The following PLSCR4 variants were observed in gnomAD, a reference collection of about 807,000 sequenced individuals.
PLSCR4 encodes the protein Ca(2+)-dependent phospholipid scramblase 4.
PLSCR4 carries 25 observed loss-of-function variants against 36.3 expected under a neutral mutation model. The ratio of observed to expected loss-of-function variants is 0.69; its 90% CI spans 0.50 to 0.96. PLSCR4 has a LOEUF of 0.96. PLSCR4 is among the 40% of genes least tolerant of loss of function. The probability of loss-of-function intolerance (pLI) is 0.00; values close to 1 mark genes in which losing one functional copy is unlikely to be tolerated. For missense variants in PLSCR4, 408 were observed against 414.7 expected (o/e 0.98, Z 0.14); for synonymous variants, 122 against 132.9 (o/e 0.92, Z 0.56).
At chr3:146,245,964 T>C (rs1576503079) in intron 1 of PLSCR4, among the ~76,000 whole-genome samples, 1 of 152,084 alleles carries the variant, frequency 6.6e-6, no homozygotes, top group Admixed American at 6.6e-5. Flanking sequence ...TTCTTGGCTA[T>C]AGGGAACTGG....
At chr3:146,213,763 T>C (rs1333793002) in intron 3 of PLSCR4, among the ~76,000 whole-genome samples, 6 of 152,214 alleles carry the variant, frequency 3.9e-5, no homozygotes, top group Admixed American at 3.9e-4. Flanking sequence ...TTTGTATCTT[T>C]CTAGGAACTT....
intron 1 of PLSCR4, among the ~76,000 whole-genome samples, chr3:146,245,183 AG>A (rs929501915): frequency 2.6e-5 from 4 of 152,078 alleles, no homozygotes; most frequent in Non-Finnish European, 2.9e-5. Context: ...TCTATGGATA[AG>A]GAAAGAAAAT....
intron 7 of PLSCR4, chr3:146,196,407 T>C (rs1294235676): frequency 1.0e-5 from 5 of 481,392 alleles, no homozygotes; most frequent in African/African-American, 1.9e-5. Context: ...TGATTTCTTT[T>C]TATTTTTATC....
intron 1 of PLSCR4, among the ~76,000 whole-genome samples, chr3:146,249,034 CCT>C (rs1386502835): frequency 6.6e-6 from 1 of 152,008 alleles, no homozygotes; most frequent in East Asian, 1.9e-4. Context: ...CTCTTTTTAT[CCT>C]TAACTGGGTC....
intron 8 of PLSCR4, 57 bp from the exon 9 acceptor site, chr3:146,194,512 C>A (rs1512902): frequency 6.3e-5 from 63 of 995,542 alleles, no homozygotes; most frequent in East Asian, 9.6e-5. Flanking sequence ...ATAATGCATG[C>A]GGTATTATCC....
At position 146,193,335 on chromosome 3, in the gene PLSCR4, C is replaced by T. The variant is rs1339152662; in HGVS notation, c.*1076G>A. On this transcript the variant is annotated 3_prime_UTR_variant, in exon 9 of 9. Transcript: ENST00000354952. ...AGTATTAAGCAGCGGTGGAATTTGT[C>T]GCTTTCACTTTTTATAAAGTGCTAC... is the stretch of plus-strand genomic sequence containing the variant. The T allele has an allele frequency of 2.6e-5, 4 of 152,010 alleles. No individual in the cohort carries two copies. Among genetic ancestry groups the T allele is most frequent in the African/African-American group, 4.8e-5 (2 of 41,368 alleles). The allele number at this position is 152,010 out of a possible 1,614,324, so 9.4% of individuals were successfully genotyped here.
In PLSCR4 at chr3:146,214,721, T is replaced by C. The variant is rs549313502; in HGVS notation, c.118+6094A>G. ...GTTTCAAGAAGAATGTGTATTATGC[T>C]GTTGTTGGGTAGAGTGTTCTATTAT... On this transcript the variant is annotated intron_variant, in intron 3 of 8. Transcript: ENST00000354952. Among the ~76,000 whole-genome samples the C allele has an allele frequency of 2.6e-5, 4 of 152,286 alleles. No individual in the cohort carries two copies. In the East Asian group the frequency reaches 7.7e-4, roughly 29 times the overall value.
chr3:146,243,699 T>G (rs909017080), intron 1 of PLSCR4, among the ~76,000 whole-genome samples: 1 of 152,132 alleles, frequency 6.6e-6, no homozygotes, highest in Non-Finnish European at 1.5e-5. Flanking sequence ...AATAAGAAAT[T>G]GTGTCAGTCT....
intron 3 of PLSCR4, among the ~76,000 whole-genome samples, chr3:146,212,489 C>T (rs527939020): frequency 6.3e-4 from 89 of 140,422 alleles, no homozygotes; most frequent in Non-Finnish European, 1.8e-4. Context: ...CTCAGTCTGT[C>T]ACCCAGGCTG....
chr3:146,228,202 T>A (rs1254167369), intron 1 of PLSCR4, among the ~76,000 whole-genome samples: 1 of 152,128 alleles, frequency 6.6e-6, no homozygotes, highest in Admixed American at 6.5e-5. Flanking sequence ...ATATAAAAAA[T>A]CCTCAATAAA....
chr3:146,199,258 C>A (rs1434487389), intron 6 of PLSCR4, among the ~76,000 whole-genome samples: 1 of 152,084 alleles, frequency 6.6e-6, no homozygotes, highest in Non-Finnish European at 1.5e-5. Flanking sequence ...CTTTTCCCTA[C>A]AGAAAATAAC....
rs570499123 is a variant in PLSCR4 at position 146,246,586 on chromosome 3, T to G, written c.-22+4374A>C. On this transcript the variant is annotated intron_variant, in intron 1 of 8. Coordinates refer to ENST00000354952, the MANE Select transcript of PLSCR4 (RefSeq NM_020353.3). ...CTTTTTAGCTTTCAAAAGGGAAATGTTTTTGTTATTTAGAGTAGAAAAATA... is the reference window on the plus strand; with the variant it reads ...CTTTTTAGCTTTCAAAAGGGAAATGGTTTTGTTATTTAGAGTAGAAAAATA... Among the ~76,000 whole-genome samples, 6 of 152,202 alleles carry G rather than the reference T, an allele frequency of 3.9e-5. No individual in the cohort carries two copies. The East Asian group carries it at 5.8e-4, about 15-fold the overall frequency.
chr3:146,221,732 G>A (rs2035151572), intron 2 of PLSCR4, among the ~76,000 whole-genome samples: 1 of 152,048 alleles, frequency 6.6e-6, no homozygotes, highest in East Asian at 1.9e-4. Context: ...CCTTGCCACA[G>A]GCTCTTTATT....
intron 1 of PLSCR4, among the ~76,000 whole-genome samples, chr3:146,240,291 T>A (rs1305592567): frequency 6.6e-6 from 1 of 151,916 alleles, no homozygotes; most frequent in African/African-American, 2.4e-5. Flanking sequence ...CACTGATCAT[T>A]AAAAAAAATG....
At position 146,197,633 on chromosome 3, in the gene PLSCR4, A is replaced by G. The variant is rs542199245; in HGVS notation, c.625-840T>C. ...ATTGTCCACTACCCTGTTTTTAGCT[A>G]TTTATCTTCAACAATATTATTTTGT... On this transcript the variant is annotated intron_variant, in intron 6 of 8. Coordinates refer to ENST00000354952, the MANE Select transcript of PLSCR4 (RefSeq NM_020353.3). Among the ~76,000 whole-genome samples, 14 of 152,290 alleles carry G rather than the reference A, an allele frequency of 9.2e-5. No individual in the cohort carries two copies. The South Asian group carries it at 2.9e-3, about 32-fold the overall frequency.
At chr3:146,211,051 T>A (rs1052569139) in intron 3 of PLSCR4, among the ~76,000 whole-genome samples, 1 of 132,940 alleles carries the variant, frequency 7.5e-6, no homozygotes, top group Non-Finnish European at 1.7e-5. Flanking sequence ...CATGTACAAG[T>A]TTTAGTGTGG....
chr3:146,220,816 TG>T lies in PLSCR4; in HGVS notation c.116del (p.Pro39GlnfsTer59). The T allele has an allele frequency of 6.4e-7, 1 of 1,569,478 alleles. No homozygotes were observed. Among genetic ancestry groups the T allele is most frequent in the Non-Finnish European group, 8.8e-7 (1 of 1,140,650 alleles). On this transcript the variant is annotated frameshift_variant and splice_region_variant, in exon 3 of 9. Transcript: ENST00000354952. LOFTEE classifies it high-confidence loss of function. ...APPEYNSHFL[P>X]GPPGTAVPPP... is the part of the protein sequence containing the mutation. ...ATCTTTTATGAATATTTAACCCACC[TG>T]GTAAAAAATGAGAATTGTATTCAGG...
chr3:146,205,174 T>G (rs777600884), intron 4 of PLSCR4, among the ~76,000 whole-genome samples: 6 of 152,010 alleles, frequency 3.9e-5, no homozygotes, highest in Non-Finnish European at 7.4e-5. Flanking sequence ...TTCCTTTTTC[T>G]ATAAACAACA....
chr3:146,232,524 G>A (rs2035753330), intron 1 of PLSCR4, among the ~76,000 whole-genome samples: 1 of 152,094 alleles, frequency 6.6e-6, no homozygotes, highest in Non-Finnish European at 1.5e-5. Context: ...TTTCAGCAGT[G>A]TTTTGTAATT....
Sources: gnomAD v4.1 joint callset for allele counts (sites outside exome capture counted in the v4.1 genomes callset) on GRCh38, gnomAD v4.1.1 for gene constraint, MANE v1.5 for transcripts, NCBI Gene and HGNC (gene_info 2026-07-23, HGNC 2026-07-21) for gene names.